Variants in DOCK9 observed in about 807,000 individuals in gnomAD.
The protein encoded by DOCK9 is dedicator of cytokinesis protein 9.
DOCK9 carries 89 observed loss-of-function variants against 263.3 expected under a neutral mutation model. The observed-to-expected ratio is 0.34, with a 90% CI of 0.28 to 0.40. DOCK9 has a LOEUF of 0.40. Among genes scored for constraint, DOCK9 ranks in the 10% least tolerant of loss-of-function variants. The pLI is 1.00. For synonymous variants in DOCK9, 976 were observed against 973.1 expected, an observed-to-expected ratio of 1.00 and a Z score of -0.06; for missense variants, 2,140 against 2,603.4, an observed-to-expected ratio of 0.82 and a Z score of 3.87.
At chr13:98,865,116 A>G (rs2093985418) in intron 30 of DOCK9, among the ~76,000 whole-genome samples, 2 of 152,156 alleles carry the variant, frequency 1.3e-5, no homozygotes, top group African/African-American at 4.8e-5. Flanking sequence ...GTGCCGTGGC[A>G]TAATCTGCCT....
At chr13:98,979,308 G>A (rs1427577704), upstream of DOCK9, among the ~76,000 whole-genome samples, 1 of 152,086 alleles carries the variant, frequency 6.6e-6, no homozygotes, top group Non-Finnish European at 1.5e-5. Flanking sequence ...AACAATAGGT[G>A]CCAGAGGAAC....
At chr13:99,020,832 T>C (rs1178069944) in intron 1 of DOCK9, among the ~76,000 whole-genome samples, 2 of 152,230 alleles carry the variant, frequency 1.3e-5, no homozygotes, top group African/African-American at 2.4e-5. Flanking sequence ...ATTCTCTCCA[T>C]TCTGCAGTGG....
chr13:99,019,821 C>G (rs1398107551), intron 1 of DOCK9, among the ~76,000 whole-genome samples: 1 of 151,948 alleles, frequency 6.6e-6, no homozygotes, highest in Non-Finnish European at 1.5e-5. Context: ...GGTGGGGAGG[C>G]CAAGCACAGT....
chr13:99,046,678 TA>T (rs1238891122), intron 1 of DOCK9, among the ~76,000 whole-genome samples: 2 of 152,194 alleles, frequency 1.3e-5, no homozygotes, highest in Non-Finnish European at 2.9e-5. Flanking sequence ...TGCATGGGTG[TA>T]AAATAAACAC....
rs941404964 is a variant in DOCK9, at chr13:98,794,007, G to C, written c.*619C>G. The C allele has an allele frequency of 8.5e-5, 13 of 152,592 alleles. No homozygotes were observed. Among genetic ancestry groups the C allele is most frequent in the African/African-American group, 2.7e-4 (11 of 41,392 alleles). 9.5% of individuals were successfully genotyped at this position (152,592 alleles called of 1,614,324 possible). ...GTTGCGGTTATTAATATAGGCCTTT[G>C]GTTCTAAACTGCTTGACTAGTTTTA... On this transcript the variant is annotated 3_prime_UTR_variant, in exon 53 of 53. Coordinates refer to ENST00000682017, the MANE Select transcript of DOCK9 (RefSeq NM_001366683.2).
chr13:98,926,944 C>CA lies in DOCK9; in HGVS notation c.334-1026dup, dbSNP rs2053072935. Among the ~76,000 whole-genome samples the CA allele has an allele frequency of 2.6e-5, 4 of 152,168 alleles. No individual in the cohort carries two copies. In the South Asian group the frequency reaches 8.3e-4, roughly 32 times the overall value. ...ACTGTCAACCTTTCTATCTGTGTCA[C>CA]AGGCCATGCCTGAAGGTCTTCTGAA... is the stretch of plus-strand genomic sequence containing the variant. On this transcript the variant is annotated intron_variant, in intron 3 of 52. Transcript: ENST00000682017.
chr13:99,087,731 G>T (rs994808566), upstream of DOCK9: 5 of 152,410 alleles, frequency 3.3e-5, no homozygotes, highest in African/African-American at 1.2e-4. Context: ...TCAGTGGTTG[G>T]GGACTGGGCG....
intron 9 of DOCK9, among the ~76,000 whole-genome samples, chr13:98,907,794 A>G (rs1328886680): frequency 6.6e-6 from 1 of 152,202 alleles, no homozygotes; most frequent in Non-Finnish European, 1.5e-5. Flanking sequence ...GTAAAATCTA[A>G]GAGGTAGAAA....
chr13:98,841,604 T>C (rs1211765011), intron 38 of DOCK9, among the ~76,000 whole-genome samples: 2 of 152,024 alleles, frequency 1.3e-5, no homozygotes, highest in South Asian at 2.1e-4. Context: ...AAGTGTCTTG[T>C]TTATGAACAA....
chr13:98,841,517 C>G (rs1019331394), intron 38 of DOCK9, among the ~76,000 whole-genome samples: 43 of 152,054 alleles, frequency 2.8e-4, no homozygotes, highest in African/African-American at 9.9e-4. Flanking sequence ...GTAAGATATA[C>G]CCAACTTTGG....
chr13:99,016,420 C>T (rs1327581804), intron 1 of DOCK9, among the ~76,000 whole-genome samples: 6 of 152,170 alleles, frequency 3.9e-5, no homozygotes, highest in Admixed American at 3.9e-4. Flanking sequence ...AGGATTCTCC[C>T]GTCTCTGGTA....
At chr13:99,050,421 G>T (rs191169024) in intron 1 of DOCK9, among the ~76,000 whole-genome samples, 1 of 152,180 alleles carries the variant, frequency 6.6e-6, no homozygotes, top group Non-Finnish European at 1.5e-5. Context: ...ATGACCGGGC[G>T]CAGTGGCTCA....
chr13:98,919,923 C>A (rs1269238508), intron 7 of DOCK9, among the ~76,000 whole-genome samples: 4 of 152,220 alleles, frequency 2.6e-5, no homozygotes, highest in Non-Finnish European at 5.9e-5. Flanking sequence ...TCTGCTTTCA[C>A]CCCCACTTTA....
At chr13:98,969,668 G>C (rs1277809862) in intron 1 of DOCK9, among the ~76,000 whole-genome samples, 1 of 152,186 alleles carries the variant, frequency 6.6e-6, no homozygotes, top group Non-Finnish European at 1.5e-5. Flanking sequence ...TGGGAAATGT[G>C]GGGAGAGGGT....
intron 1 of DOCK9, among the ~76,000 whole-genome samples, chr13:98,975,190 C>T (rs2060120920): frequency 6.6e-6 from 1 of 152,004 alleles, no homozygotes; most frequent in African/African-American, 2.4e-5. Flanking sequence ...ACTGGCCTGA[C>T]CAACATGATG....
At chr13:98,808,917 C>T (rs189879835) in intron 47 of DOCK9, among the ~76,000 whole-genome samples, 4 of 152,088 alleles carry the variant, frequency 2.6e-5, no homozygotes, top group South Asian at 2.1e-4. Context: ...CAAAGGACAC[C>T]AGAAAGTCTT....
chr13:98,841,048 C>T (rs1851038537), intron 38 of DOCK9, among the ~76,000 whole-genome samples: 1 of 152,110 alleles, frequency 6.6e-6, no homozygotes, highest in South Asian at 2.1e-4. Context: ...TATTCATTTC[C>T]ATCCAATTTT....
At position 98,890,615 on chromosome 13, in the gene DOCK9, G is replaced by A. The variant is rs542482668; in HGVS notation, c.1710-1904C>T. On this transcript the variant is annotated intron_variant, in intron 15 of 52. Coordinates refer to ENST00000682017, the MANE Select transcript of DOCK9 (RefSeq NM_001366683.2). The stretch of plus-strand genomic sequence containing the variant: ...TTGCCAAAGATCACCAAAGCACAGG[G>A]ACTGGCAGATTCAGCATTTGGTTTT... 2.6e-4 allele frequency among the ~76,000 whole-genome samples: 39 copies of A among 152,286 alleles called. 1 individual carries two copies. The highest frequency in any genetic ancestry group is 9.4e-4 in the African/African-American group (39 of 41,564).
intron 1 of DOCK9, among the ~76,000 whole-genome samples, chr13:98,962,541 A>G (rs891354408): frequency 2.0e-5 from 3 of 152,176 alleles, no homozygotes; most frequent in South Asian, 2.1e-4. Context: ...AACTGAGTCA[A>G]TGCATGGAAA....
Sources: gnomAD v4.1 joint callset for allele counts (sites outside exome capture counted in the v4.1 genomes callset) on GRCh38, gnomAD v4.1.1 for gene constraint, MANE v1.5 for transcripts, NCBI Gene and HGNC (gene_info 2026-07-23, HGNC 2026-07-21) for gene names.